The following AFF1 variants were observed in gnomAD, a reference collection of about 807,000 sequenced individuals.
AFF1 encodes ALF transcription elongation factor 1, also known as AF4/FMR2 family member 1.
A neutral mutation model predicts 121.7 loss-of-function variants in AFF1; 48 were observed. That is an observed-to-expected ratio of 0.39 (90% CI 0.31 to 0.50). The LOEUF (loss-of-function observed/expected upper bound fraction) is 0.50, where lower values mean the gene tolerates loss of function less well. Ranked by LOEUF, AFF1 falls within the 20% of genes least tolerant of loss-of-function variation. The pLI is 0.76. For missense variants in AFF1, 1,523 were observed against 1,511.7 expected, an observed-to-expected ratio of 1.01 and a Z score of -0.12; for synonymous variants, 613 against 563.0, an observed-to-expected ratio of 1.09 and a Z score of -1.26.
At chr4:86,961,778 A>G (rs914261597) in intron 2 of AFF1, among the ~76,000 whole-genome samples, 1 of 152,020 alleles carries the variant, frequency 6.6e-6, no homozygotes, top group African/African-American at 2.4e-5. Flanking sequence ...CTCTCAGAGC[A>G]CTTTGTGGTC....
chr4:87,078,025 GCTGA>G lies in AFF1; in HGVS notation c.1060-6092_1060-6089del, dbSNP rs1206117685. On this transcript the variant is annotated intron_variant, in intron 4 of 20. Transcript: ENST00000395146. ...AGAAGTGTCTGTGTAATTAGAATTT[GCTGA>G]CTATTGCCAAATTAATGTCCTTAAA... is the stretch of plus-strand genomic sequence containing the variant. Among the ~76,000 whole-genome samples, 3 of 152,112 alleles carry G rather than the reference GCTGA, an allele frequency of 2.0e-5. No homozygotes were observed. In the East Asian group the frequency reaches 5.8e-4, roughly 29 times the overall value.
chr4:86,991,576 A>C (rs1560523091), intron 2 of AFF1, among the ~76,000 whole-genome samples: 1 of 152,218 alleles, frequency 6.6e-6, no homozygotes, highest in Non-Finnish European at 1.5e-5. Context: ...TATAGTCACA[A>C]AATGATTGTC....
chr4:87,127,522 T>C, intron 15 of AFF1, 121 bp from the exon 16 acceptor site: 1 of 857,322 alleles, frequency 1.2e-6, no homozygotes, highest in Non-Finnish European at 1.9e-6. Flanking sequence ...TTCTCCTTCT[T>C]TGTTTACCCT....
intron 2 of AFF1, among the ~76,000 whole-genome samples, chr4:86,988,139 G>A (rs1366905283): frequency 2.0e-5 from 3 of 152,064 alleles, no homozygotes; most frequent in Admixed American, 2.0e-4. Flanking sequence ...AGGGCAATTA[G>A]GATGTTCATC....
intron 2 of AFF1, among the ~76,000 whole-genome samples, chr4:87,000,945 T>C (rs966839606): frequency 6.6e-6 from 1 of 152,154 alleles, no homozygotes; most frequent in Non-Finnish European, 1.5e-5. Flanking sequence ...TTTATTTTAT[T>C]AGAGAAAGTC....
intron 2 of AFF1, among the ~76,000 whole-genome samples, chr4:86,954,182 A>G (rs1043796283): frequency 1.3e-5 from 2 of 152,206 alleles, no homozygotes; most frequent in Non-Finnish European, 2.9e-5. Context: ...AAATATAATC[A>G]TATAGCATAT....
intron 17 of AFF1, 28 bp from the exon 18 acceptor site, chr4:87,131,765 C>G (rs1386039196): frequency 6.5e-7 from 1 of 1,535,064 alleles, no homozygotes. Context: ...TTGTTTAAAA[C>G]CTGATGTACT....
intron 4 of AFF1, among the ~76,000 whole-genome samples, chr4:87,049,279 A>G (rs148929718): frequency 2.2e-3 from 332 of 152,330 alleles, no homozygotes; most frequent in African/African-American, 7.0e-3. Context: ...AGTCTAGTAT[A>G]GAGATCAGCC....
intron 2 of AFF1, among the ~76,000 whole-genome samples, chr4:86,971,781 T>G (rs1722964736): frequency 6.6e-6 from 1 of 152,176 alleles, no homozygotes; most frequent in Non-Finnish European, 1.5e-5. Context: ...AGATGAATTA[T>G]GAGTGGACAG....
intron 12 of AFF1, among the ~76,000 whole-genome samples, chr4:87,115,703 G>C (rs1727049404): frequency 7.4e-6 from 1 of 135,396 alleles, no homozygotes; most frequent in African/African-American, 2.7e-5. Flanking sequence ...CCTACCTCTG[G>C]GGTGAAACGA....
At chr4:87,073,280 C>CAAAAAAAAAAAAAAAAAAAA (rs55821662) in intron 4 of AFF1, among the ~76,000 whole-genome samples, 1 of 83,670 alleles carries the variant, frequency 1.2e-5, no homozygotes, top group African/African-American at 5.2e-5. Flanking sequence ...GCATTAAAGC[C>CAAAAAAAAAAAAAAAAAAAA]AAAAAAAAAA....
At chr4:86,963,683 A>G (rs1432254616) in intron 2 of AFF1, among the ~76,000 whole-genome samples, 2 of 152,160 alleles carry the variant, frequency 1.3e-5, no homozygotes, top group Non-Finnish European at 2.9e-5. Flanking sequence ...AGGGTTAATA[A>G]TGAAACTGTT....
chr4:86,977,135 A>G (rs555883966), intron 2 of AFF1, among the ~76,000 whole-genome samples: 3 of 152,282 alleles, frequency 2.0e-5, no homozygotes, highest in African/African-American at 4.8e-5. Flanking sequence ...CCCCCATATG[A>G]GACAGATACA....
chr4:87,108,957 C>A (rs1726199867), intron 11 of AFF1, among the ~76,000 whole-genome samples: 1 of 152,082 alleles, frequency 6.6e-6, no homozygotes, highest in Non-Finnish European at 1.5e-5. Flanking sequence ...ATCTTAGGCA[C>A]TAAATAAATC....
chr4:87,108,463 G>T, intron 11 of AFF1, 148 bp downstream of exon 11: 1 of 850,038 alleles, frequency 1.2e-6, no homozygotes, highest in Non-Finnish European at 1.7e-6. Flanking sequence ...GCTGTCTAGA[G>T]CCATCTGTTT....
intron 2 of AFF1, among the ~76,000 whole-genome samples, chr4:86,960,336 C>T (rs556778420): frequency 1.3e-5 from 2 of 152,198 alleles, no homozygotes; most frequent in East Asian, 1.9e-4. Context: ...CAGTGGGTTC[C>T]GCTGCGTTGT....
chr4:86,978,145 T>C (rs1469489606), intron 2 of AFF1, among the ~76,000 whole-genome samples: 2 of 88,586 alleles, frequency 2.3e-5, no homozygotes, highest in Non-Finnish European at 3.4e-5. Context: ...TCATTGATGG[T>C]AGCTTACTTC....
chr4:87,065,804 C>G (rs1210376709), intron 4 of AFF1, among the ~76,000 whole-genome samples: 1 of 5,666 alleles, frequency 1.8e-4, no homozygotes, highest in Non-Finnish European at 3.4e-4. Flanking sequence ...ATTATTTTTC[C>G]CCCCCCTTTC....
Position 87,067,135 on chromosome 4 carries a change from T to A in AFF1, c.1060-16985T>A, listed in dbSNP as rs576026677. Among the ~76,000 whole-genome samples, 210 of 152,262 alleles carry A rather than the reference T, an allele frequency of 1.4e-3. 1 individual carries two copies. In the South Asian group the frequency reaches 0.022, roughly 16 times the overall value. On this transcript the variant is annotated intron_variant, in intron 4 of 20. Transcript: ENST00000395146. ...ATAAAAGTTTGGTTAATGACAGAAG[T>A]GGGAAACCTTAGTAGGATGGAAGAA...
Sources: allele counts gnomAD v4.1 joint callset (sites outside exome capture counted in the v4.1 genomes callset), GRCh38; gene constraint gnomAD v4.1.1; transcripts MANE v1.5; gene names NCBI Gene and HGNC (gene_info 2026-07-23, HGNC 2026-07-21).